The following DOCK2 variants were observed in gnomAD, a reference collection of about 807,000 sequenced individuals.
The protein encoded by DOCK2 is dedicator of cytokinesis protein 2.
DOCK2 carries 87 observed loss-of-function variants against 248.9 expected under a neutral mutation model. That is an observed-to-expected ratio of 0.35 (90% CI 0.29 to 0.42). The LOEUF (loss-of-function observed/expected upper bound fraction) is 0.42, where lower values mean the gene tolerates loss of function less well. Among genes scored for constraint, DOCK2 ranks in the 10% least tolerant of loss-of-function variants. DOCK2 has a pLI of 1.00. For synonymous variants in DOCK2, 805 were observed against 821.6 expected (o/e 0.98, Z 0.35); for missense variants, 1,747 against 2,300.2 (o/e 0.76, Z 4.92).
At chr5:169,842,610 A>T (rs1175119160) in intron 27 of DOCK2, among the ~76,000 whole-genome samples, 1 of 152,118 alleles carries the variant, frequency 6.6e-6, no homozygotes, top group Non-Finnish European at 1.5e-5. Context: ...AGCATTTTAT[A>T]ACCTCCTTTA....
chr5:169,866,242 C>T (rs1414255549), intron 27 of DOCK2, among the ~76,000 whole-genome samples: 1 of 152,190 alleles, frequency 6.6e-6, no homozygotes, highest in African/African-American at 2.4e-5. Context: ...TTCTCTCTGG[C>T]CCTCTCTATG....
At chr5:169,967,055 A>T (rs1378398039) in intron 27 of DOCK2, among the ~76,000 whole-genome samples, 1 of 152,238 alleles carries the variant, frequency 6.6e-6, no homozygotes, top group Non-Finnish European at 1.5e-5. Context: ...CCTATGTGCC[A>T]GGCACTGTGC....
chr5:169,681,041 TA>T (rs5873188), intron 6 of DOCK2, among the ~76,000 whole-genome samples: 3,739 of 151,702 alleles, frequency 0.025, 219 homozygotes, highest in Admixed American at 0.13. Context: ...TATAATATTT[TA>T]AAAGGTCTGC....
intron 2 of DOCK2, 59 bp downstream of exon 2, chr5:169,654,545 C>T (rs1757989561): frequency 4.4e-6 from 7 of 1,578,274 alleles, no homozygotes; most frequent in South Asian, 3.3e-5. Flanking sequence ...GCCTATAGTA[C>T]ACCCAGGCCC....
chr5:169,820,475 T>C (rs989685545), intron 26 of DOCK2, among the ~76,000 whole-genome samples: 2 of 152,182 alleles, frequency 1.3e-5, no homozygotes, highest in African/African-American at 4.8e-5. Context: ...TATTCACTGT[T>C]CTGCAGCCTC....
chr5:169,827,963 A>G (rs912799495), intron 26 of DOCK2, among the ~76,000 whole-genome samples: 3 of 152,156 alleles, frequency 2.0e-5, no homozygotes, highest in Non-Finnish European at 2.9e-5. Context: ...GAGTGAGTCC[A>G]TATTTCCCAA....
intron 5 of DOCK2, among the ~76,000 whole-genome samples, chr5:169,672,127 C>A (rs550104010): frequency 6.6e-6 from 1 of 152,040 alleles, no homozygotes; most frequent in Non-Finnish European, 1.5e-5. Context: ...CTGCCTTGGC[C>A]TCCTGAGTAG....
At chr5:169,905,928 G>C (rs1042133416) in intron 27 of DOCK2, among the ~76,000 whole-genome samples, 2 of 152,328 alleles carry the variant, frequency 1.3e-5, no homozygotes, top group Admixed American at 6.5e-5. Context: ...TCTTGAACCT[G>C]ACTGTATCTA....
chr5:169,855,358 A>T (rs1770830277), intron 27 of DOCK2, among the ~76,000 whole-genome samples: 1 of 152,122 alleles, frequency 6.6e-6, no homozygotes. Context: ...GGAAAACAGA[A>T]TTTGCAAAGT....
rs777511763 is a variant in DOCK2, at chr5:169,761,513, C to T, written c.2448-6C>T. The T allele has an allele frequency of 1.2e-6, 2 of 1,612,866 alleles. No individual in the cohort carries two copies. The highest frequency in any genetic ancestry group is 1.1e-5 in the South Asian group (1 of 90,986). ...CTCTACCAGCTCCTATTTTTCCTGCCCTCAGCCAACTCCTGTATGAGTTCT... is the reference window on the plus strand; with the variant it reads ...CTCTACCAGCTCCTATTTTTCCTGCTCTCAGCCAACTCCTGTATGAGTTCT... On this transcript the variant is annotated splice_polypyrimidine_tract_variant and splice_region_variant and intron_variant, in intron 24 of 51. Coordinates refer to ENST00000520908, the MANE Select transcript of DOCK2 (RefSeq NM_004946.3).
chr5:170,034,580 T>A (rs749256659), intron 35 of DOCK2, 25 bp downstream of exon 35: 11 of 1,613,080 alleles, frequency 6.8e-6, no homozygotes, highest in Non-Finnish European at 9.3e-6. Flanking sequence ...CGGGTCCAAG[T>A]CAGACCAGAA....
At chr5:170,064,574 A>C (rs1364337804) in intron 44 of DOCK2, among the ~76,000 whole-genome samples, 2 of 152,080 alleles carry the variant, frequency 1.3e-5, no homozygotes, top group Non-Finnish European at 2.9e-5. Context: ...AGCAAAAAGA[A>C]AAGAATGAAA....
intron 27 of DOCK2, among the ~76,000 whole-genome samples, chr5:169,937,965 C>G (rs993885940): frequency 6.6e-6 from 1 of 152,218 alleles, no homozygotes; most frequent in African/African-American, 2.4e-5. Flanking sequence ...AGGTGGACAT[C>G]ACCCCCAGGT....
At chr5:170,031,090 A>G (rs1028210787) in intron 34 of DOCK2, among the ~76,000 whole-genome samples, 2 of 152,240 alleles carry the variant, frequency 1.3e-5, no homozygotes, top group Admixed American at 6.5e-5. Flanking sequence ...ATCCACGTAT[A>G]TCTGAAAGTG....
chr5:170,016,303 GGT>G (rs1412403811), intron 32 of DOCK2, among the ~76,000 whole-genome samples: 2 of 152,216 alleles, frequency 1.3e-5, no homozygotes, highest in Non-Finnish European at 2.9e-5. Context: ...TACAGCAGCA[GGT>G]GTGTCTCTTG....
intron 27 of DOCK2, among the ~76,000 whole-genome samples, chr5:169,899,513 G>C (rs565141940): frequency 6.6e-6 from 1 of 152,310 alleles, no homozygotes; most frequent in East Asian, 1.9e-4. Flanking sequence ...GCCTCAAATG[G>C]ACTTGAGGAT....
chr5:169,994,109 C>T (rs1404696102), intron 29 of DOCK2, among the ~76,000 whole-genome samples: 1 of 152,004 alleles, frequency 6.6e-6, no homozygotes, highest in Non-Finnish European at 1.5e-5. Flanking sequence ...GGGCAGGTGG[C>T]CGGAGTTTAG....
At position 169,749,630 on chromosome 5, in the gene DOCK2, G is replaced by T. The variant is rs572161129; in HGVS notation, c.2376+2126G>T. 1.2e-4 allele frequency among the ~76,000 whole-genome samples: 18 copies of T among 152,262 alleles called. No homozygotes were observed. In the South Asian group the frequency reaches 1.4e-3, roughly 12 times the overall value. On this transcript the variant is annotated intron_variant, in intron 23 of 51. Coordinates refer to ENST00000520908, the MANE Select transcript of DOCK2 (RefSeq NM_004946.3). ...CCTCCAGGCACCATTGCTGAGAAGT[G>T]GGATGGCTCAGATTCATATCTGTTC...
chr5:169,924,368 C>T (rs940646367), intron 27 of DOCK2, among the ~76,000 whole-genome samples: 1 of 152,218 alleles, frequency 6.6e-6, no homozygotes, highest in African/African-American at 2.4e-5. Flanking sequence ...AAAGTCTAAC[C>T]TCTTTTTAGT....
Sources: gnomAD v4.1 joint callset for allele counts (sites outside exome capture counted in the v4.1 genomes callset) on GRCh38, gnomAD v4.1.1 for gene constraint, MANE v1.5 for transcripts, NCBI Gene and HGNC (gene_info 2026-07-23, HGNC 2026-07-21) for gene names.